Variants in TGFB3 observed in about 807,000 individuals in gnomAD.
TGFB3 encodes transforming growth factor beta 3.
Under a neutral mutation model 40.1 loss-of-function variants are expected in TGFB3, and 5 were observed. The observed-to-expected ratio is 0.12, with a 90% CI of 0.07 to 0.26. TGFB3 has a LOEUF of 0.26. Ranked by LOEUF, TGFB3 falls within the 10% of genes least tolerant of loss-of-function variation. TGFB3 has a pLI of 1.00. For missense variants in TGFB3, 373 were observed against 530.1 expected (o/e 0.70, Z 2.91); for synonymous variants, 184 against 205.6 (o/e 0.89, Z 0.90).
intron 3 of TGFB3, 186 bp from the exon 4 acceptor site, chr14:75,965,881 G>T (rs1595340696): frequency 3.2e-6 from 2 of 625,892 alleles, no homozygotes; most frequent in Admixed American, 5.0e-5. Context: ...AGCGCACGTT[G>T]CCACATTCCA....
intron 1 of TGFB3, among the ~76,000 whole-genome samples, chr14:75,976,680 TGCTTTG>T (rs1217853824): frequency 6.6e-6 from 1 of 152,172 alleles, no homozygotes; most frequent in Non-Finnish European, 1.5e-5. Context: ...GGCTGGCTGC[TGCTTTG>T]GCTGGGCACG....
At chr14:75,961,808 C>G (rs2035159315) in intron 5 of TGFB3, among the ~76,000 whole-genome samples, 1 of 152,178 alleles carries the variant, frequency 6.6e-6, no homozygotes, top group African/African-American at 2.4e-5. Flanking sequence ...ATTCCTAACT[C>G]CCTTCTCCCT....
intron 1 of TGFB3, among the ~76,000 whole-genome samples, chr14:75,973,394 AC>A (rs1458454855): frequency 2.6e-5 from 4 of 152,254 alleles, no homozygotes; most frequent in African/African-American, 9.6e-5. Flanking sequence ...TGTTAGGAAA[AC>A]AAATGTGTGA....
At chr14:75,974,079 G>A (rs2035324699) in intron 1 of TGFB3, among the ~76,000 whole-genome samples, 3 of 152,082 alleles carry the variant, frequency 2.0e-5, no homozygotes, top group Admixed American at 2.0e-4. Flanking sequence ...GGCAGAGGTT[G>A]CAATGAGCTG....
intron 1 of TGFB3, among the ~76,000 whole-genome samples, chr14:75,974,779 A>G (rs867882567): frequency 1.3e-4 from 20 of 148,434 alleles, no homozygotes; most frequent in East Asian, 7.9e-4. Flanking sequence ...AAAAAAAAAA[A>G]AAGAAGAAGA....
intron 3 of TGFB3, chr14:75,966,160 A>G (rs2035218795): frequency 4.3e-6 from 1 of 231,390 alleles, no homozygotes; most frequent in South Asian, 6.5e-5. Context: ...ACGGACAGGG[A>G]GTAACTAAAG....
chr14:75,965,771 T>TGGTGG, intron 3 of TGFB3, 76 bp from the exon 4 acceptor site: 2 of 1,220,154 alleles, frequency 1.6e-6, no homozygotes, highest in Non-Finnish European at 2.4e-6. Context: ...CATGCAAGGG[T>TGGTGG]GAGCCAGGGC....
At position 75,971,673 on chromosome 14, in the gene TGFB3, C is replaced by G. The variant is rs761890018; in HGVS notation, c.398G>C (p.Arg133Pro). The change falls in exon 2 of 7, where the codon CGC (arginine) becomes CCC (proline). Residue 133 changes from arginine (R) to proline (P), a missense_variant. Coordinates refer to ENST00000238682, the MANE Select transcript of TGFB3 (RefSeq NM_003239.5). The surrounding 1 kb of genome is among the most constrained non-coding windows in gnomAD (Gnocchi z 4.5). ...TTTCTCCACTGAGGACACATTGAAG[C>G]GGAAAACCTTGGAGGTAATTCCTTT... is the stretch of plus-strand genomic sequence containing the variant. ...CPKGITSKVF[R>P]FNVSSVEKNR... 3 of 1,614,072 alleles carry G rather than the reference C, an allele frequency of 1.9e-6. No individual in the cohort carries two copies. The highest frequency in any genetic ancestry group is 3.3e-5 in the Admixed American group (2 of 60,004).
Position 75,958,946 on chromosome 14 carries a change from G to A in TGFB3, c.*241C>T. 1 of 530,250 alleles carries A rather than the reference G, an allele frequency of 1.9e-6. No individual in the cohort carries two copies. The highest frequency in any genetic ancestry group is 3.5e-6 in the Non-Finnish European group (1 of 288,930). The allele number at this position is 530,250 out of a possible 1,614,324, so 32.8% of individuals were successfully genotyped here. A position where few individuals can be genotyped will look rare whatever the true frequency, so the allele number is the denominator to read the frequency against. On this transcript the variant is annotated 3_prime_UTR_variant, in exon 7 of 7. Transcript: ENST00000238682. The stretch of plus-strand genomic sequence containing the variant: ...CCTCTGTCTGCGTCACAGAAAGTCT[G>A]TGTGTTCTGAAGAGTTCAGCCTTCC...
At chr14:75,968,363 G>C (rs536701846) in intron 3 of TGFB3, among the ~76,000 whole-genome samples, 3 of 152,146 alleles carry the variant, frequency 2.0e-5, no homozygotes, top group African/African-American at 7.2e-5. Context: ...GTGAACTGAA[G>C]GTTCCAATGA....
intron 4 of TGFB3, among the ~76,000 whole-genome samples, chr14:75,964,077 T>C (rs968332363): frequency 6.6e-6 from 1 of 152,148 alleles, no homozygotes; most frequent in Non-Finnish European, 1.5e-5. Flanking sequence ...GGTTTCACCA[T>C]GTTGGCCAGG....
chr14:75,975,326 C>A (rs1467799281), intron 1 of TGFB3, among the ~76,000 whole-genome samples: 2 of 151,976 alleles, frequency 1.3e-5, no homozygotes, highest in Non-Finnish European at 2.9e-5. Context: ...CGAGATTGCA[C>A]CAGTGCACTC....
In TGFB3 at chr14:75,965,714, T is replaced by G; in HGVS notation, c.647-19A>C. On this transcript the variant is annotated intron_variant, in intron 3 of 6. Coordinates refer to ENST00000238682, the MANE Select transcript of TGFB3 (RefSeq NM_003239.5). ...TTGGACTCTGCAAAATAAGACAGAATTAGTGAGAAAAGCACCTCTGTGTGA... is the reference window on the plus strand; with the variant it reads ...TTGGACTCTGCAAAATAAGACAGAAGTAGTGAGAAAAGCACCTCTGTGTGA... 6.2e-7 allele frequency: 1 copy of G among 1,601,318 alleles called. No homozygotes were observed. The highest frequency in any genetic ancestry group is 8.6e-7 in the Non-Finnish European group (1 of 1,168,470).
chr14:75,972,490 C>T (rs1253383754), intron 1 of TGFB3, among the ~76,000 whole-genome samples: 1 of 152,030 alleles, frequency 6.6e-6, no homozygotes, highest in African/African-American at 2.4e-5. Context: ...CGACAGGAAA[C>T]CAGTGGTTTT....
At position 75,978,762 on chromosome 14, in the gene TGFB3, C is replaced by T. The variant is rs1179098154; in HGVS notation, c.352+1780G>A. On this transcript the variant is annotated intron_variant, in intron 1 of 6. Transcript: ENST00000238682. This position sits in a 1 kb window ranked among gnomAD's most constrained non-coding sequence, Gnocchi z 5.0. ...GCACAAAATCAGTGTCCACTTGCAC[C>T]TGCATGGCCTTGCCTCCACGTGGCT... Among the ~76,000 whole-genome samples the T allele has an allele frequency of 6.6e-6, 1 of 152,224 alleles. No individual in the cohort carries two copies. Among genetic ancestry groups the T allele is most frequent in the African/African-American group, 2.4e-5 (1 of 41,464 alleles).
intron 1 of TGFB3, among the ~76,000 whole-genome samples, chr14:75,974,783 AAG>A (rs2035333560): frequency 1.1e-5 from 1 of 91,936 alleles, no homozygotes; most frequent in African/African-American, 3.4e-5. Flanking sequence ...AAAAAAAAAG[AAG>A]AAGAAGAAGA....
upstream of TGFB3, chr14:75,982,774 G>T (rs1354511039): frequency 6.6e-6 from 1 of 152,340 alleles, no homozygotes; most frequent in South Asian, 2.1e-4. The surrounding 1 kb of genome is among the most constrained non-coding windows in gnomAD (Gnocchi z 4.0). Context: ...CTCCCGGCCC[G>T]ACGTGCGCAC....
At chr14:75,976,203 T>G (rs1424364119) in intron 1 of TGFB3, among the ~76,000 whole-genome samples, 1 of 152,220 alleles carries the variant, frequency 6.6e-6, no homozygotes, top group Non-Finnish European at 1.5e-5. Context: ...TCAGTGTGGC[T>G]GTACTTCTCT....
chr14:75,966,099 C>T (rs760950508), intron 3 of TGFB3: 44 of 325,590 alleles, frequency 1.4e-4, no homozygotes, highest in Non-Finnish European at 1.7e-4. Flanking sequence ...ATCGTTGAGC[C>T]AATCTACTGC....
Sources: allele counts gnomAD v4.1 joint callset (sites outside exome capture counted in the v4.1 genomes callset), GRCh38; gene constraint gnomAD v4.1.1; non-coding constraint Gnocchi (gnomAD v3.1); transcripts MANE v1.5; gene names NCBI Gene and HGNC (gene_info 2026-07-23, HGNC 2026-07-21).